WHRN: variants seen among roughly 807,000 people sequenced by gnomAD.
WHRN encodes whirlin, also known as CASK-interacting protein CIP98.
Under a neutral mutation model 68.3 loss-of-function variants are expected in WHRN, and 41 were observed. The ratio of observed to expected loss-of-function variants is 0.60; its 90% CI spans 0.47 to 0.78. The LOEUF is 0.78. Ranked by LOEUF, WHRN falls within the 30% of genes least tolerant of loss-of-function variation. WHRN has a pLI of 0.00. For missense variants in WHRN, 1,243 were observed against 1,244.7 expected, an observed-to-expected ratio of 1.00 and a Z score of 0.02; for synonymous variants, 560 against 561.3, an observed-to-expected ratio of 1.00 and a Z score of 0.03.
chr9:114,441,793 G>T (rs571163237), intron 3 of WHRN, among the ~76,000 whole-genome samples: 2 of 152,244 alleles, frequency 1.3e-5, no homozygotes, highest in South Asian at 4.1e-4. Context: ...TTAAAATTTT[G>T]CAAAACAACT....
At chr9:114,445,575 A>C (rs1254006502) in intron 3 of WHRN, among the ~76,000 whole-genome samples, 1 of 152,166 alleles carries the variant, frequency 6.6e-6, no homozygotes, top group Non-Finnish European at 1.5e-5. Context: ...TTGTGGGGAG[A>C]CAAGCCATAG....
chr9:114,422,387 C>T, intron 7 of WHRN, among the ~76,000 whole-genome samples: 1 of 152,200 alleles, frequency 6.6e-6, no homozygotes, highest in Non-Finnish European at 1.5e-5. Context: ...ACCTTAATAA[C>T]CAGTTGTTTC....
intron 3 of WHRN, among the ~76,000 whole-genome samples, chr9:114,437,354 C>A (rs17232074): frequency 0.046 from 6,943 of 152,024 alleles, 232 homozygotes; most frequent in Non-Finnish European, 0.068. Context: ...AAACATGTAA[C>A]CTGACTCAAA....
intron 3 of WHRN, among the ~76,000 whole-genome samples, chr9:114,462,888 A>C (rs1004552679): frequency 6.6e-6 from 1 of 152,224 alleles, no homozygotes; most frequent in African/African-American, 2.4e-5. Flanking sequence ...TAAAAGGGTA[A>C]GAGGATAATA....
chr9:114,492,183 G>C (rs2133324600), intron 1 of WHRN, among the ~76,000 whole-genome samples: 1 of 152,170 alleles, frequency 6.6e-6, no homozygotes, highest in Non-Finnish European at 1.5e-5. Context: ...TGGTGGGAGG[G>C]AATATACAAA....
intron 3 of WHRN, among the ~76,000 whole-genome samples, chr9:114,465,354 C>CA (rs377599912): frequency 1.4e-4 from 21 of 152,222 alleles, no homozygotes; most frequent in African/African-American, 5.1e-4. Flanking sequence ...GCTTTGCACA[C>CA]AGACTAGGCA....
chr9:114,446,292 G>A (rs936331673), intron 3 of WHRN, among the ~76,000 whole-genome samples: 33 of 152,230 alleles, frequency 2.2e-4, no homozygotes, highest in African/African-American at 5.8e-4. Context: ...CAAAATAGGC[G>A]TATCTAGAGA....
intron 7 of WHRN, among the ~76,000 whole-genome samples, chr9:114,408,726 G>A (rs77651322): frequency 0.024 from 3,612 of 152,324 alleles, 144 homozygotes; most frequent in African/African-American, 0.082. Context: ...TTAGCTTCGC[G>A]TGTCAACTTG....
In WHRN at chr9:114,402,583, T is replaced by C; in HGVS notation, c.*171A>G. 1.2e-6 allele frequency: 1 copy of C among 837,528 alleles called. No individual in the cohort carries two copies. Among genetic ancestry groups the C allele is most frequent in the South Asian group, 1.5e-5 (1 of 67,774 alleles). The allele number at this position is 837,528 out of a possible 1,614,324, so 51.9% of individuals were successfully genotyped here. A position where few individuals can be genotyped will look rare whatever the true frequency, so the allele number is the denominator to read the frequency against. ...ACCTGACCTTCTGTCTGCCTTGTCC[T>C]GCTCTCTTCCTCTCCCAGTTCTGGT... On this transcript the variant is annotated 3_prime_UTR_variant, in exon 12 of 12. Coordinates refer to ENST00000362057, the MANE Select transcript of WHRN (RefSeq NM_015404.4).
intron 1 of WHRN, among the ~76,000 whole-genome samples, chr9:114,500,468 A>G (rs1374605777): frequency 6.6e-6 from 1 of 152,244 alleles, no homozygotes; most frequent in Non-Finnish European, 1.5e-5. Context: ...TTTCCAGGTT[A>G]TTATGCAAAG....
chr9:114,440,078 A>G (rs963141536), intron 3 of WHRN, among the ~76,000 whole-genome samples: 1 of 152,096 alleles, frequency 6.6e-6, no homozygotes, highest in Admixed American at 6.5e-5. Flanking sequence ...ATGCCTAGCT[A>G]ATTTTTGTAT....
chr9:114,468,125 C>G (rs1362031423), intron 2 of WHRN, among the ~76,000 whole-genome samples: 1 of 152,126 alleles, frequency 6.6e-6, no homozygotes, highest in Non-Finnish European at 1.5e-5. Context: ...GTTACTTAAC[C>G]TCTCTGTGCC....
intron 3 of WHRN, among the ~76,000 whole-genome samples, chr9:114,427,753 T>C (rs1481887716): frequency 6.6e-6 from 1 of 150,426 alleles, no homozygotes; most frequent in Non-Finnish European, 1.5e-5. Context: ...AAGACAGACT[T>C]TACCTCTCTC....
intron 1 of WHRN, among the ~76,000 whole-genome samples, chr9:114,480,358 C>T (rs1365234839): frequency 1.3e-5 from 2 of 152,156 alleles, no homozygotes; most frequent in Admixed American, 6.5e-5. Context: ...CCCTCCAGAT[C>T]CATACGCCGA....
chr9:114,421,938 TA>T lies in WHRN; in HGVS notation c.1626+1375del, dbSNP rs567381687. Among the ~76,000 whole-genome samples the T allele has an allele frequency of 3.9e-5, 6 of 152,192 alleles. No individual in the cohort carries two copies. In the East Asian group the frequency reaches 7.7e-4, roughly 20 times the overall value. ...TGATGGCAACTCAGGATGGGAGGGA[TA>T]GGGGTAAAAGAGTATAAAGGAATCA... On this transcript the variant is annotated intron_variant, in intron 7 of 11. Transcript: ENST00000362057.
At position 114,402,127 on chromosome 9, in the gene WHRN, G is replaced by A. The variant is rs1349446228; in HGVS notation, c.*627C>T. The A allele has an allele frequency of 3.1e-5, 5 of 160,628 alleles. No homozygotes were observed. Among genetic ancestry groups the A allele is most frequent in the Non-Finnish European group, 6.9e-5 (5 of 72,254 alleles). 10.0% of individuals were successfully genotyped at this position (160,628 alleles called of 1,614,324 possible). ...TTGAAAAATTAAAGTCATAAGCTCT[G>A]TATATAAATACAATGACACTGCTGG... On this transcript the variant is annotated 3_prime_UTR_variant, in exon 12 of 12. Coordinates refer to ENST00000362057, the MANE Select transcript of WHRN (RefSeq NM_015404.4).
Position 114,404,205 on chromosome 9 carries a change from A to G in WHRN, c.2237-128T>C, listed in dbSNP as rs1834870590. The stretch of plus-strand genomic sequence containing the variant: ...TCCCCAGGCAAAGATGGGGGAAGGA[A>G]TGAAGAGATCGTGGGGCCAGAGGGC... On this transcript the variant is annotated intron_variant, in intron 9 of 11. Coordinates refer to ENST00000362057, the MANE Select transcript of WHRN (RefSeq NM_015404.4). The G allele has an allele frequency of 7.7e-6, 8 of 1,043,370 alleles. No individual in the cohort carries two copies. In the South Asian group the frequency reaches 1.1e-4, roughly 14 times the overall value. The allele number at this position is 1,043,370 out of a possible 1,614,324, so 64.6% of individuals were successfully genotyped here. A position where few individuals can be genotyped will look rare whatever the true frequency, so the allele number is the denominator to read the frequency against.
intron 3 of WHRN, among the ~76,000 whole-genome samples, chr9:114,428,236 G>A (rs1837066915): frequency 6.6e-6 from 1 of 152,222 alleles, no homozygotes; most frequent in African/African-American, 2.4e-5. Flanking sequence ...TGAGGCAGGA[G>A]GATTGCTTGA....
chr9:114,499,904 C>T (rs1843780361), intron 1 of WHRN, among the ~76,000 whole-genome samples: 1 of 152,190 alleles, frequency 6.6e-6, no homozygotes, highest in Middle Eastern at 3.2e-3. Flanking sequence ...AAGACACTAG[C>T]GCTGGTGTGG....
Sources: gnomAD v4.1 joint callset for allele counts (sites outside exome capture counted in the v4.1 genomes callset) on GRCh38, gnomAD v4.1.1 for gene constraint, MANE v1.5 for transcripts, NCBI Gene and HGNC (gene_info 2026-07-23, HGNC 2026-07-21) for gene names.